Variants in NAALADL2 observed in about 807,000 individuals in gnomAD.
NAALADL2 encodes the protein N-acetylated alpha-linked acidic dipeptidase like 2, also known as inactive N-acetylated-alpha-linked acidic dipeptidase-like protein 2.
In NAALADL2, 76 loss-of-function variants were observed where a neutral mutation model predicts 87.2. That is an observed-to-expected ratio of 0.87 (90% confidence interval 0.72 to 1.05). The LOEUF is 1.05. NAALADL2 is among the 50% of genes least tolerant of loss of function. NAALADL2 has a pLI of 0.00. For synonymous variants in NAALADL2, 354 were observed against 331.0 expected (o/e 1.07, Z -0.75); for missense variants, 1,089 against 945.8 (o/e 1.15, Z -1.99).
intron 9 of NAALADL2, among the ~76,000 whole-genome samples, chr3:175,517,642 C>T (rs1448116499): frequency 1.3e-5 from 2 of 152,048 alleles, no homozygotes; most frequent in Non-Finnish European, 1.5e-5. Flanking sequence ...GAAGTGGCAT[C>T]GTTGTCTGTG....
intron 1 of NAALADL2, among the ~76,000 whole-genome samples, chr3:174,471,108 G>A (rs879704720): frequency 6.6e-6 from 1 of 151,736 alleles, no homozygotes; most frequent in Non-Finnish European, 1.5e-5. Flanking sequence ...TATCTGCAGT[G>A]TCTATTAATT....
At chr3:174,607,989 A>G (rs1719316508) in intron 2 of NAALADL2, among the ~76,000 whole-genome samples, 1 of 152,212 alleles carries the variant, frequency 6.6e-6, no homozygotes, top group African/African-American at 2.4e-5. Flanking sequence ...GTGCAATCAA[A>G]CTAGAACTGA....
At chr3:174,589,889 T>C (rs1717169609) in intron 2 of NAALADL2, among the ~76,000 whole-genome samples, 1 of 151,558 alleles carries the variant, frequency 6.6e-6, no homozygotes. Context: ...CATATATATA[T>C]TTGAAAATGC....
intron 1 of NAALADL2, among the ~76,000 whole-genome samples, chr3:174,860,917 A>G (rs558241427): frequency 2.6e-5 from 4 of 152,044 alleles, no homozygotes; most frequent in Non-Finnish European, 5.9e-5. Context: ...CCCTATCCAT[A>G]TATATGTATA....
chr3:174,467,288 A>G (rs2108302456), intron 1 of NAALADL2, among the ~76,000 whole-genome samples: 1 of 152,292 alleles, frequency 6.6e-6, no homozygotes, highest in South Asian at 2.1e-4. Context: ...CAACATTGTA[A>G]TAGCAAGGAT....
chr3:175,249,886 T>C (rs1392006979), intron 3 of NAALADL2, among the ~76,000 whole-genome samples: 1 of 152,222 alleles, frequency 6.6e-6, no homozygotes, highest in Admixed American at 6.6e-5. Context: ...GATTATATTC[T>C]TGCCGGGTGC....
chr3:174,612,268 G>A (rs1719990561), intron 2 of NAALADL2, among the ~76,000 whole-genome samples: 1 of 151,946 alleles, frequency 6.6e-6, no homozygotes, highest in Admixed American at 6.6e-5. Flanking sequence ...TTGAGGTATT[G>A]TTCTTTGGGT....
intron 2 of NAALADL2, among the ~76,000 whole-genome samples, chr3:174,621,431 A>G (rs1187843427): frequency 1.3e-5 from 2 of 152,102 alleles, no homozygotes; most frequent in South Asian, 2.1e-4. Context: ...TAACTATACT[A>G]TTCATATCAT....
intron 1 of NAALADL2, among the ~76,000 whole-genome samples, chr3:174,965,298 G>T (rs1203188380): frequency 1.3e-5 from 2 of 152,118 alleles, no homozygotes; most frequent in Non-Finnish European, 2.9e-5. Context: ...TACAAAGCAA[G>T]AAATCAAGGT....
At chr3:175,266,741 A>G (rs1452350869) in intron 4 of NAALADL2, among the ~76,000 whole-genome samples, 2 of 151,820 alleles carry the variant, frequency 1.3e-5, no homozygotes, top group Non-Finnish European at 1.5e-5. Context: ...TATAGTTCCA[A>G]CAAGCCATGC....
intron 4 of NAALADL2, among the ~76,000 whole-genome samples, chr3:175,318,687 G>A (rs530544208): frequency 3.3e-5 from 5 of 152,152 alleles, no homozygotes; most frequent in African/African-American, 1.2e-4. Flanking sequence ...CCATTTTAAG[G>A]TGATGTGTGT....
chr3:174,689,707 G>C (rs622016), intron 2 of NAALADL2, among the ~76,000 whole-genome samples: 72,433 of 151,204 alleles, frequency 0.48, 17,912 homozygotes, highest in East Asian at 0.68. Flanking sequence ...ATGCCCTCTA[G>C]AAGGCCCAGA....
At chr3:174,718,687 C>T (rs1049350319) in intron 2 of NAALADL2, among the ~76,000 whole-genome samples, 2 of 152,188 alleles carry the variant, frequency 1.3e-5, no homozygotes, top group Non-Finnish European at 2.9e-5. Flanking sequence ...TGGTGAATTT[C>T]AGAATTTGGA....
At chr3:175,715,285 A>G (rs997379338) in intron 11 of NAALADL2, among the ~76,000 whole-genome samples, 3 of 152,172 alleles carry the variant, frequency 2.0e-5, no homozygotes, top group African/African-American at 7.2e-5. Context: ...AGAAGAGTTC[A>G]AGAGTTCATC....
chr3:174,591,139 T>C (rs1455969692), intron 2 of NAALADL2, among the ~76,000 whole-genome samples: 5 of 152,206 alleles, frequency 3.3e-5, no homozygotes, highest in African/African-American at 9.6e-5. Context: ...TGGCTGATCC[T>C]CTGGAGACAG....
chr3:175,313,188 C>T (rs189551486), intron 4 of NAALADL2, among the ~76,000 whole-genome samples: 5 of 152,210 alleles, frequency 3.3e-5, no homozygotes, highest in African/African-American at 4.8e-5. Flanking sequence ...CCCACCCATT[C>T]GACCTCATTT....
chr3:175,183,584 A>G (rs1260302830), intron 2 of NAALADL2, among the ~76,000 whole-genome samples: 1 of 151,934 alleles, frequency 6.6e-6, no homozygotes, highest in African/African-American at 2.4e-5. Context: ...TCTGCATTTA[A>G]TGAGATCATG....
chr3:175,471,508 A>G, intron 8 of NAALADL2, 131 bp from the exon 9 acceptor site: 1 of 632,134 alleles, frequency 1.6e-6, no homozygotes, highest in Non-Finnish European at 2.7e-6. Flanking sequence ...AAAGAAAAAA[A>G]AAAAGAAGGT....
chr3:175,476,203 T>G (rs1725679262), intron 9 of NAALADL2, among the ~76,000 whole-genome samples: 1 of 152,190 alleles, frequency 6.6e-6, no homozygotes, highest in Non-Finnish European at 1.5e-5. Flanking sequence ...TCCTAACTTG[T>G]CTATAGTATT....
Sources: gnomAD v4.1 joint callset for allele counts (sites outside exome capture counted in the v4.1 genomes callset) on GRCh38, gnomAD v4.1.1 for gene constraint, MANE v1.5 for transcripts, NCBI Gene and HGNC (gene_info 2026-07-23, HGNC 2026-07-21) for gene names.